The following LPP variants were observed in gnomAD, a reference collection of about 807,000 sequenced individuals.
LPP encodes the protein LIM domain containing preferred translocation partner in lipoma.
Under a neutral mutation model 60.4 loss-of-function variants are expected in LPP, and 38 were observed. The ratio of observed to expected loss-of-function variants is 0.63; its 90% CI spans 0.49 to 0.83. LPP has a LOEUF of 0.83. Among genes scored for constraint, LPP ranks in the 40% least tolerant of loss-of-function variants. The pLI is 0.00. For synonymous variants in LPP, 328 were observed against 290.8 expected, an observed-to-expected ratio of 1.13 and a Z score of -1.30; for missense variants, 902 against 783.6, an observed-to-expected ratio of 1.15 and a Z score of -1.80.
At chr3:188,228,818 G>A (rs572081201) in intron 2 of LPP, among the ~76,000 whole-genome samples, 37 of 152,228 alleles carry the variant, frequency 2.4e-4, no homozygotes, top group Non-Finnish European at 4.6e-4. Context: ...AATAATCATT[G>A]CCCTGCCTAC....
At chr3:188,863,626 GA>G (rs1369800830) in intron 9 of LPP, among the ~76,000 whole-genome samples, 1 of 152,164 alleles carries the variant, frequency 6.6e-6, no homozygotes, top group African/African-American at 2.4e-5. Context: ...GCTGTCGAAG[GA>G]TAACATGTCC....
intron 6 of LPP, among the ~76,000 whole-genome samples, chr3:188,598,940 G>T (rs1057281773): frequency 6.6e-6 from 1 of 152,068 alleles, no homozygotes; most frequent in Non-Finnish European, 1.5e-5. Flanking sequence ...TAAACCCCTG[G>T]CCTGATTGGA....
intron 6 of LPP, among the ~76,000 whole-genome samples, chr3:188,604,837 C>G (rs762226052): frequency 1.8e-4 from 27 of 152,036 alleles, no homozygotes; most frequent in Non-Finnish European, 3.7e-4. Context: ...GTGATATGTA[C>G]AGGGAGGGAG....
chr3:188,650,021 G>C (rs2148953818), intron 7 of LPP, among the ~76,000 whole-genome samples: 1 of 152,168 alleles, frequency 6.6e-6, no homozygotes, highest in East Asian at 1.9e-4. Flanking sequence ...TGTCTGTCTA[G>C]AGTTCCTACC....
chr3:188,189,857 G>A (rs1009232002), intron 1 of LPP, among the ~76,000 whole-genome samples: 4 of 151,962 alleles, frequency 2.6e-5, no homozygotes, highest in African/African-American at 4.8e-5. Context: ...GTGGGGAAGG[G>A]TTTATTTTTG....
chr3:188,541,108 A>G (rs1192542297), intron 6 of LPP, among the ~76,000 whole-genome samples: 1 of 152,200 alleles, frequency 6.6e-6, no homozygotes, highest in African/African-American at 2.4e-5. Context: ...ATTTGTCACA[A>G]TTTACTAACC....
intron 9 of LPP, among the ~76,000 whole-genome samples, chr3:188,848,305 A>G (rs1761961562): frequency 6.6e-6 from 1 of 152,200 alleles, no homozygotes; most frequent in African/African-American, 2.4e-5. Flanking sequence ...AACTGGCTGC[A>G]GCTCCAATGA....
intron 7 of LPP, among the ~76,000 whole-genome samples, chr3:188,686,483 G>A (rs1324660998): frequency 6.6e-6 from 1 of 152,200 alleles, no homozygotes; most frequent in African/African-American, 2.4e-5. Flanking sequence ...TGATACTCCA[G>A]AGAGTGAAAA....
Position 188,760,412 on chromosome 3 carries a change from GT to G in LPP, c.1410+131del, listed in dbSNP as rs1338591205. ...AGACTTCAAAATGTGTGTGTGGGGT[GT>G]GTGTGTGTGTGTGTGTGTGTGTGCG... On this transcript the variant is annotated intron_variant, in intron 9 of 11. Transcript: ENST00000617246. 79 of 638,070 alleles carry G rather than the reference GT, an allele frequency of 1.2e-4. No individual in the cohort carries two copies. In the African/African-American group the frequency reaches 1.4e-3, roughly 11 times the overall value. 39.5% of individuals were successfully genotyped at this position (638,070 alleles called of 1,614,324 possible). A position where few individuals can be genotyped will look rare whatever the true frequency, so the allele number is the denominator to read the frequency against.
intron 3 of LPP, among the ~76,000 whole-genome samples, chr3:188,358,013 GA>G (rs1241551756): frequency 2.0e-5 from 3 of 151,708 alleles, no homozygotes; most frequent in East Asian, 1.9e-4. Flanking sequence ...CATATTGAAG[GA>G]AAAAAATGAC....
chr3:188,160,126 G>A (rs1560069977), intron 1 of LPP, among the ~76,000 whole-genome samples: 2 of 150,854 alleles, frequency 1.3e-5, no homozygotes, highest in Admixed American at 6.6e-5. Context: ...TTGGCCAGGC[G>A]GTCTTGAACT....
intron 9 of LPP, among the ~76,000 whole-genome samples, chr3:188,784,520 T>TATATATATATTCCATC (rs1560200167): frequency 7.6e-3 from 11 of 1,440 alleles, no homozygotes; most frequent in Admixed American, 9.8e-3. Flanking sequence ...TATTCCATCA[T>TATATATATATTCCATC]ATATATATAT....
rs139036212 is a variant in LPP at position 188,390,336 on chromosome 3, T to G, written c.-9-15776T>G. Among the ~76,000 whole-genome samples the G allele has an allele frequency of 3.5e-3, 536 of 152,292 alleles. 9 individuals are homozygous for G. The highest frequency in any genetic ancestry group is 0.013 in the African/African-American group (524 of 41,560). The stretch of plus-strand genomic sequence containing the variant: ...AATCACTGCTATATTTACATTTTCT[T>G]TTGCTGCCTGGGCTTTAAAAAGTAC... On this transcript the variant is annotated intron_variant, in intron 3 of 11. Coordinates refer to ENST00000617246, the MANE Select transcript of LPP (RefSeq NM_001375462.1).
At chr3:188,434,172 A>T (rs1791720574) in intron 4 of LPP, among the ~76,000 whole-genome samples, 1 of 152,122 alleles carries the variant, frequency 6.6e-6, no homozygotes, top group Non-Finnish European at 1.5e-5. Context: ...TATAGTAATG[A>T]CTTTCGAACT....
At chr3:188,261,237 C>T (rs1375119820) in intron 2 of LPP, among the ~76,000 whole-genome samples, 1 of 152,144 alleles carries the variant, frequency 6.6e-6, no homozygotes, top group East Asian at 1.9e-4. Flanking sequence ...TAGCTGCGAA[C>T]TTCTGGGCTC....
intron 2 of LPP, among the ~76,000 whole-genome samples, chr3:188,332,302 G>T (rs1475965152): frequency 6.6e-6 from 1 of 152,138 alleles, no homozygotes; most frequent in African/African-American, 2.4e-5. Context: ...CTGCCAATGG[G>T]TTAATGATGA....
At chr3:188,235,510 T>C (rs1271364318) in intron 2 of LPP, among the ~76,000 whole-genome samples, 1 of 152,150 alleles carries the variant, frequency 6.6e-6, no homozygotes, top group Non-Finnish European at 1.5e-5. Flanking sequence ...TCTAGAGTTT[T>C]TTTAGACATG....
chr3:188,607,407 ATATATATAT>A (rs1193180376), intron 6 of LPP, among the ~76,000 whole-genome samples: 1 of 29,630 alleles, frequency 3.4e-5, no homozygotes, highest in African/African-American at 8.0e-5. Context: ...ATATATATAT[ATATATATAT>A]AATTTTTTTT....
intron 6 of LPP, chr3:188,554,007 A>G (rs1235697646): frequency 2.0e-5 from 3 of 152,218 alleles, no homozygotes; most frequent in Non-Finnish European, 4.4e-5. Flanking sequence ...AAGGGGGTGC[A>G]TTTTTAAAGG....
Sources: gnomAD v4.1 joint callset for allele counts (sites outside exome capture counted in the v4.1 genomes callset) on GRCh38, gnomAD v4.1.1 for gene constraint, MANE v1.5 for transcripts, NCBI Gene and HGNC (gene_info 2026-07-23, HGNC 2026-07-21) for gene names.